The following CNR2 variants were observed in gnomAD, a reference collection of about 807,000 sequenced individuals.
CNR2 encodes the protein cannabinoid receptor 2 (macrophage).
For missense variants in CNR2, 379 were observed against 439.9 expected, an observed-to-expected ratio of 0.86 and a Z score of 1.24; for synonymous variants, 172 against 182.2, an observed-to-expected ratio of 0.94 and a Z score of 0.45.
At chr1:23,878,841 C>A (rs1283805171) in intron 1 of CNR2, among the ~76,000 whole-genome samples, 1 of 152,100 alleles carries the variant, frequency 6.6e-6, no homozygotes, top group Non-Finnish European at 1.5e-5. Context: ...TGATCAGCAA[C>A]AATAGAAGCC....
chr1:23,899,533 G>A (rs1640345572), intron 1 of CNR2, among the ~76,000 whole-genome samples: 1 of 151,650 alleles, frequency 6.6e-6, no homozygotes, highest in Non-Finnish European at 1.5e-5. Context: ...TTATGGTTTA[G>A]GGTCTGGTGT....
At chr1:23,877,824 G>A (rs1027417455) in intron 1 of CNR2, among the ~76,000 whole-genome samples, 6 of 151,916 alleles carry the variant, frequency 3.9e-5, no homozygotes, top group African/African-American at 9.7e-5. Context: ...AGCCGGGCAC[G>A]ATGGTGGACA....
chr1:23,912,782 C>T (rs949041147), intron 1 of CNR2, among the ~76,000 whole-genome samples: 1 of 152,216 alleles, frequency 6.6e-6, no homozygotes, highest in African/African-American at 2.4e-5. Context: ...TGGTCCTCCA[C>T]AACCCCAGGT....
intron 1 of CNR2, among the ~76,000 whole-genome samples, chr1:23,881,963 C>T (rs920044254): frequency 1.3e-5 from 2 of 151,280 alleles, no homozygotes; most frequent in African/African-American, 4.9e-5. Context: ...ACTGTTGTGC[C>T]CAGGCTGGAG....
intron 1 of CNR2, among the ~76,000 whole-genome samples, chr1:23,889,809 C>G (rs938416709): frequency 6.6e-6 from 1 of 152,226 alleles, no homozygotes; most frequent in Admixed American, 6.5e-5. Flanking sequence ...CTGCACCTCT[C>G]TGAGCCTCTG....
At chr1:23,891,937 C>T (rs1035530584) in intron 1 of CNR2, among the ~76,000 whole-genome samples, 2 of 152,102 alleles carry the variant, frequency 1.3e-5, no homozygotes, top group Non-Finnish European at 2.9e-5. Flanking sequence ...CAGAGCTGAG[C>T]AAAACAGTCT....
intron 1 of CNR2, among the ~76,000 whole-genome samples, chr1:23,882,484 T>C (rs903043644): frequency 1.3e-5 from 2 of 151,874 alleles, no homozygotes; most frequent in African/African-American, 4.8e-5. Flanking sequence ...TTCATCTGAG[T>C]CGTATGCAAA....
chr1:23,890,126 G>A lies in CNR2; in HGVS notation c.-45-14464C>T, dbSNP rs147541380. Among the ~76,000 whole-genome samples, 18 of 151,856 alleles carry A rather than the reference G, an allele frequency of 1.2e-4. No individual in the cohort carries two copies. In the East Asian group the frequency reaches 3.5e-3, roughly 30 times the overall value. On this transcript the variant is annotated intron_variant, in intron 1 of 1. Transcript: ENST00000374472. ...AAAATACAAAAATTAGCTGGGCATG[G>A]TGCATGTATGTAGTCCCAGCTACTG... is the stretch of plus-strand genomic sequence containing the variant.
chr1:23,909,677 C>G (rs1326835396), intron 1 of CNR2, among the ~76,000 whole-genome samples: 1 of 152,090 alleles, frequency 6.6e-6, no homozygotes, highest in Non-Finnish European at 1.5e-5. Flanking sequence ...AGGAGAGAAG[C>G]CGGCCATATT....
At chr1:23,908,813 C>T (rs900097036) in intron 1 of CNR2, among the ~76,000 whole-genome samples, 7 of 152,102 alleles carry the variant, frequency 4.6e-5, no homozygotes, top group Non-Finnish European at 5.9e-5. Context: ...ACACAGAGGA[C>T]GAACTCAATG....
intron 1 of CNR2, among the ~76,000 whole-genome samples, chr1:23,898,567 C>T (rs11488705): frequency 0.98 from 138,238 of 140,848 alleles, 67,903 homozygotes; most frequent in East Asian, 1. Context: ...GGTCTCGATC[C>T]CCTGACCTTG....
chr1:23,904,711 A>C (rs1258561057), intron 1 of CNR2, among the ~76,000 whole-genome samples: 1 of 152,148 alleles, frequency 6.6e-6, no homozygotes, highest in African/African-American at 2.4e-5. Flanking sequence ...GTGGCCAGTC[A>C]CCCATTCTGT....
Position 23,875,382 on chromosome 1 carries a change from GC to G in CNR2, c.235del (p.Ala79LeufsTer14), listed in dbSNP as rs769849565. The G allele has an allele frequency of 2.5e-6, 4 of 1,614,248 alleles. No homozygotes were observed. In the South Asian group the frequency reaches 4.4e-5, roughly 18 times the overall value. Reference sequence around the variant, plus strand: ...AAAGACCACACTGGCCAGGAAGTCAGCCCCAGCCAAGCTGCCAATGAACAGG... The same window carrying G: ...AAAGACCACACTGGCCAGGAAGTCAGCCCAGCCAAGCTGCCAATGAACAGG... ...SYLFIGSLAG[A>X]DFLASVVFAC... is the part of the protein sequence containing the mutation. On this transcript the variant is annotated frameshift_variant, in exon 2 of 2. Coordinates refer to ENST00000374472, the MANE Select transcript of CNR2 (RefSeq NM_001841.3). LOFTEE classifies it high-confidence loss of function.
chr1:23,909,695 T>C (rs1640552016), intron 1 of CNR2, among the ~76,000 whole-genome samples: 1 of 152,102 alleles, frequency 6.6e-6, no homozygotes, highest in South Asian at 2.1e-4. Flanking sequence ...ATTCATATGA[T>C]ATCCCTCCAA....
At chr1:23,882,023 G>T (rs1395317927) in intron 1 of CNR2, among the ~76,000 whole-genome samples, 5 of 150,194 alleles carry the variant, frequency 3.3e-5, no homozygotes, top group African/African-American at 1.2e-4. Flanking sequence ...CCAGGTTCAA[G>T]CGATTCTCCT....
At chr1:23,899,496 G>C (rs1434790832) in intron 1 of CNR2, among the ~76,000 whole-genome samples, 2 of 151,842 alleles carry the variant, frequency 1.3e-5, no homozygotes, top group African/African-American at 4.8e-5. Context: ...GCCTTTGTAG[G>C]ACTAATATTA....
In CNR2 at chr1:23,909,767, G is replaced by A. The variant is rs149038759; in HGVS notation, c.-46+3479C>T. Reference sequence around the variant, plus strand: ...GATGGCATCTGAAACGCAGCCTGGCGAGCGACACAGTAAAGACAACCCTGA... The same window carrying A: ...GATGGCATCTGAAACGCAGCCTGGCAAGCGACACAGTAAAGACAACCCTGA... On this transcript the variant is annotated intron_variant, in intron 1 of 1. Transcript: ENST00000374472. 4.8e-3 allele frequency among the ~76,000 whole-genome samples: 728 copies of A among 152,164 alleles called. 3 individuals are homozygous for A. The highest frequency in any genetic ancestry group is 0.017 in the African/African-American group (697 of 41,488).
At chr1:23,876,573 C>T (rs543688992) in intron 1 of CNR2, among the ~76,000 whole-genome samples, 2 of 151,634 alleles carry the variant, frequency 1.3e-5, no homozygotes, top group African/African-American at 2.4e-5. Flanking sequence ...CGGTGGTTCA[C>T]GCCTGTAATC....
chr1:23,898,335 C>CCAATTTTTTTTTT, intron 1 of CNR2, among the ~76,000 whole-genome samples: 1 of 108,198 alleles, frequency 9.2e-6, no homozygotes, highest in East Asian at 2.7e-4. Context: ...CCGCGCCCGG[C>CCAATTTTTTTTTT]TTTTTTTTTT....
Sources: gnomAD v4.1 joint callset for allele counts (sites outside exome capture counted in the v4.1 genomes callset) on GRCh38, gnomAD v4.1.1 for gene constraint, MANE v1.5 for transcripts, NCBI Gene and HGNC (gene_info 2026-07-23, HGNC 2026-07-21) for gene names.